Variants in L2HGDH observed in about 807,000 individuals in gnomAD.
L2HGDH encodes the protein L-2-hydroxyglutarate dehydrogenase, mitochondrial.
In L2HGDH, 34 loss-of-function variants were observed where a neutral mutation model predicts 51.5. The ratio of observed to expected loss-of-function variants is 0.66; its 90% confidence interval spans 0.50 to 0.88. L2HGDH has a LOEUF of 0.88. Among genes scored for constraint, L2HGDH ranks in the 40% least tolerant of loss-of-function variants. The probability of loss-of-function intolerance (pLI) is 0.00; values close to 1 mark genes in which losing one functional copy is unlikely to be tolerated. For missense variants in L2HGDH, 558 were observed against 571.9 expected, an observed-to-expected ratio of 0.98 and a Z score of 0.25; for synonymous variants, 198 against 197.9, an observed-to-expected ratio of 1.00 and a Z score of -0.01.
At chr14:50,266,167 TA>T (rs1218070533) in intron 8 of L2HGDH, among the ~76,000 whole-genome samples, 7 of 146,628 alleles carry the variant, frequency 4.8e-5, no homozygotes, top group Non-Finnish European at 1.1e-4. Context: ...AATACAGAGG[TA>T]AACACCCTCT....
At chr14:50,287,240 TACA>T in intron 4 of L2HGDH, 1 of 985,222 alleles carries the variant, frequency 1.0e-6, no homozygotes, top group South Asian at 4.7e-5. Flanking sequence ...CCATAACTTT[TACA>T]ACATCTGAAA....
At chr14:50,261,766 G>A (rs912287117) in intron 9 of L2HGDH, among the ~76,000 whole-genome samples, 1 of 152,178 alleles carries the variant, frequency 6.6e-6, no homozygotes, top group African/African-American at 2.4e-5. Flanking sequence ...TTACAGGCAT[G>A]AGCCACTGTG....
chr14:50,308,280 C>T (rs2030845815), intron 1 of L2HGDH, among the ~76,000 whole-genome samples: 1 of 152,068 alleles, frequency 6.6e-6, no homozygotes, highest in African/African-American at 2.4e-5. Flanking sequence ...ATCCCAGCTA[C>T]TCGGGAGGCT....
intron 5 of L2HGDH, among the ~76,000 whole-genome samples, chr14:50,282,164 C>A (rs1424529569): frequency 6.6e-6 from 1 of 152,096 alleles, no homozygotes; most frequent in Non-Finnish European, 1.5e-5. Flanking sequence ...ATTGTCATCA[C>A]TTGGGGGCGT....
At chr14:50,267,556 ATT>A (rs112225106) in intron 8 of L2HGDH, among the ~76,000 whole-genome samples, 195 bp downstream of exon 8, 4 of 150,084 alleles carry the variant, frequency 2.7e-5, no homozygotes, top group Non-Finnish European at 4.5e-5. Flanking sequence ...TCCAAAAGGC[ATT>A]TTTTTTTTTG....
intron 6 of L2HGDH, among the ~76,000 whole-genome samples, chr14:50,272,642 A>G (rs950433634): frequency 6.6e-6 from 1 of 152,188 alleles, no homozygotes; most frequent in Non-Finnish European, 1.5e-5. Context: ...TGAGCTACCC[A>G]TTATTAACTG....
chr14:50,263,774 C>G (rs1277663658), intron 9 of L2HGDH, among the ~76,000 whole-genome samples: 1 of 137,272 alleles, frequency 7.3e-6, no homozygotes, highest in Non-Finnish European at 1.6e-5. Flanking sequence ...AGCCTTTTAT[C>G]TTTTTTTTTT....
In L2HGDH at chr14:50,245,090, A is replaced by G; in HGVS notation, c.*1968T>C. On this transcript the variant is annotated 3_prime_UTR_variant, in exon 10 of 10. Transcript: ENST00000267436. ...ATCAACTTAAAATACTCATGAGGTG[A>G]ATGTAAGGCACTTTCGCGGTTTACA... 1 of 985,864 alleles carries G rather than the reference A, an allele frequency of 1.0e-6. No homozygotes were observed. The highest frequency in any genetic ancestry group is 1.2e-6 in the Non-Finnish European group (1 of 829,930). 61.1% of individuals were successfully genotyped at this position (985,864 alleles called of 1,614,324 possible). A position where few individuals can be genotyped will look rare whatever the true frequency, so the allele number is the denominator to read the frequency against.
chr14:50,309,753 G>A (rs1275857325), intron 1 of L2HGDH, among the ~76,000 whole-genome samples: 2 of 150,708 alleles, frequency 1.3e-5, no homozygotes, highest in Admixed American at 6.6e-5. Flanking sequence ...TGTAATCACA[G>A]GTCACCACAC....
At chr14:50,265,592 T>C (rs1889291186) in intron 8 of L2HGDH, 103 bp from the exon 9 acceptor site, 1 of 1,101,818 alleles carries the variant, frequency 9.1e-7, no homozygotes, top group South Asian at 1.5e-5. Flanking sequence ...CACAAAAATC[T>C]AGGCAAAGTC....
intron 1 of L2HGDH, among the ~76,000 whole-genome samples, chr14:50,305,217 CCTCCAGGTGATG>C (rs1191013368): frequency 2.0e-5 from 3 of 152,146 alleles, no homozygotes; most frequent in Admixed American, 2.0e-4. Context: ...ACAGGGAGAA[CCTCCAGGTGATG>C]CTCAGCAGGT....
In L2HGDH at chr14:50,242,574, G is replaced by GT; in HGVS notation, c.*4483dup. 1 of 984,390 alleles carries GT rather than the reference G, an allele frequency of 1.0e-6. No individual in the cohort carries two copies. The highest frequency in any genetic ancestry group is 4.7e-5 in the South Asian group (1 of 21,262). The allele number at this position is 984,390 out of a possible 1,614,324, so 61.0% of individuals were successfully genotyped here. A position where few individuals can be genotyped will look rare whatever the true frequency, so the allele number is the denominator to read the frequency against. Reference sequence around the variant, plus strand: ...AGTAGAGTTGGTTGGTATCAACACTGTTCTTCCCTTCAGGGCTTCAGGGTT... The same window carrying GT: ...AGTAGAGTTGGTTGGTATCAACACTGTTTCTTCCCTTCAGGGCTTCAGGGTT... On this transcript the variant is annotated 3_prime_UTR_variant, in exon 10 of 10. Transcript: ENST00000267436.
intron 3 of L2HGDH, among the ~76,000 whole-genome samples, chr14:50,297,558 A>T (rs2030136965): frequency 6.6e-6 from 1 of 152,236 alleles, no homozygotes; most frequent in Non-Finnish European, 1.5e-5. Context: ...AGCACTACAG[A>T]CCAAATGGAC....
chr14:50,280,394 G>C (rs113479239), intron 5 of L2HGDH, among the ~76,000 whole-genome samples: 2,181 of 152,242 alleles, frequency 0.014, 36 homozygotes, highest in African/African-American at 0.039. Context: ...TGGAACTCCT[G>C]ACCTCAGGTG....
At chr14:50,289,052 T>C (rs988853902) in intron 4 of L2HGDH, among the ~76,000 whole-genome samples, 4 of 152,232 alleles carry the variant, frequency 2.6e-5, no homozygotes, top group African/African-American at 7.2e-5. Flanking sequence ...TTTAAATTCA[T>C]AGAAAAATTG....
chr14:50,272,294 T>C (rs891445732), intron 6 of L2HGDH, among the ~76,000 whole-genome samples: 14 of 152,252 alleles, frequency 9.2e-5, no homozygotes, highest in African/African-American at 2.4e-4. Flanking sequence ...TGGTATGCCA[T>C]AGGCCCCTGT....
At chr14:50,269,762 G>C (rs1322758361) in intron 6 of L2HGDH, among the ~76,000 whole-genome samples, 1 of 151,878 alleles carries the variant, frequency 6.6e-6, no homozygotes, top group Non-Finnish European at 1.5e-5. Context: ...TTTTAATTTG[G>C]ATTAATTAAA....
intron 3 of L2HGDH, among the ~76,000 whole-genome samples, chr14:50,301,792 A>G (rs2030424941): frequency 6.6e-6 from 1 of 152,208 alleles, no homozygotes. Context: ...TGATCTGTGC[A>G]CTTTAAAAGG....
chr14:50,276,711 C>T (rs1169763167), intron 6 of L2HGDH, among the ~76,000 whole-genome samples: 1 of 152,180 alleles, frequency 6.6e-6, no homozygotes, highest in South Asian at 2.1e-4. Context: ...AAAGTCAACC[C>T]TACCAGCACC....
Sources: allele counts gnomAD v4.1 joint callset (sites outside exome capture counted in the v4.1 genomes callset), GRCh38; gene constraint gnomAD v4.1.1; transcripts MANE v1.5; gene names NCBI Gene and HGNC (gene_info 2026-07-23, HGNC 2026-07-21).